MARCHF1: variants seen among roughly 807,000 people sequenced by gnomAD.
MARCHF1 encodes membrane associated ring-CH-type finger 1.
Under a neutral mutation model 54.2 loss-of-function variants are expected in MARCHF1, and 40 were observed. That is an observed-to-expected ratio of 0.74 (90% CI 0.57 to 0.96). The LOEUF (loss-of-function observed/expected upper bound fraction) is 0.96. Among genes scored for constraint, MARCHF1 ranks in the 40% least tolerant of loss-of-function variants. The pLI, the probability that MARCHF1 is intolerant of heterozygous loss-of-function variation, is 0.00. For synonymous variants in MARCHF1, 236 were observed against 236.3 expected, an observed-to-expected ratio of 1.00 and a Z score of 0.01; for missense variants, 586 against 656.5, an observed-to-expected ratio of 0.89 and a Z score of 1.17.
chr4:164,051,110 G>A (rs960157600), intron 2 of MARCHF1, among the ~76,000 whole-genome samples: 4 of 152,090 alleles, frequency 2.6e-5, no homozygotes, highest in African/African-American at 9.7e-5. Flanking sequence ...CCACGAATTG[G>A]AGGACAATTT....
At chr4:163,972,368 G>T (rs1752563758) in intron 3 of MARCHF1, among the ~76,000 whole-genome samples, 1 of 151,972 alleles carries the variant, frequency 6.6e-6, no homozygotes, top group Admixed American at 6.6e-5. Context: ...TTTAAAAATT[G>T]ATCAAAACAG....
chr4:163,606,570 A>G (rs1238624748), intron 7 of MARCHF1, among the ~76,000 whole-genome samples: 1 of 152,088 alleles, frequency 6.6e-6, no homozygotes, highest in Admixed American at 6.6e-5. Flanking sequence ...GATAAAAATG[A>G]AGTGCATATT....
At chr4:163,630,557 T>C (rs924886652) in intron 5 of MARCHF1, among the ~76,000 whole-genome samples, 1 of 152,234 alleles carries the variant, frequency 6.6e-6, no homozygotes, top group African/African-American at 2.4e-5. Context: ...AATGGTCTAT[T>C]GTCCTATCCA....
intron 1 of MARCHF1, among the ~76,000 whole-genome samples, chr4:164,170,865 A>G (rs2110974263): frequency 6.6e-6 from 1 of 152,332 alleles, no homozygotes; most frequent in South Asian, 2.1e-4. Flanking sequence ...GAAAGCCATT[A>G]CAATATCCTG....
intron 4 of MARCHF1, among the ~76,000 whole-genome samples, chr4:163,717,844 G>C (rs1053887631): frequency 6.6e-6 from 1 of 152,108 alleles, no homozygotes; most frequent in Non-Finnish European, 1.5e-5. Context: ...TGATGGGGTT[G>C]TCTGTTTTTT....
chr4:163,669,250 C>G (rs1170061475), intron 5 of MARCHF1, among the ~76,000 whole-genome samples: 2 of 152,074 alleles, frequency 1.3e-5, no homozygotes, highest in Non-Finnish European at 2.9e-5. Flanking sequence ...TATCATTTGA[C>G]CTTTTATTAG....
chr4:163,544,861 G>C (rs934760587), intron 9 of MARCHF1, among the ~76,000 whole-genome samples: 3 of 152,146 alleles, frequency 2.0e-5, no homozygotes, highest in African/African-American at 7.2e-5. Flanking sequence ...GCGGGAGTGT[G>C]GGGATGTTTC....
intron 2 of MARCHF1, among the ~76,000 whole-genome samples, chr4:164,072,125 G>A (rs1471005896): frequency 1.3e-5 from 2 of 152,106 alleles, no homozygotes; most frequent in Non-Finnish European, 2.9e-5. Flanking sequence ...CAAAAGTCAT[G>A]GCTCCTTCGC....
intron 4 of MARCHF1, among the ~76,000 whole-genome samples, chr4:163,831,190 G>GT (rs1284846832): frequency 2.6e-5 from 4 of 152,186 alleles, no homozygotes; most frequent in Non-Finnish European, 5.9e-5. Flanking sequence ...GACAAAGGGA[G>GT]TGGGGGCTAG....
At chr4:163,631,860 G>C (rs995742537) in intron 5 of MARCHF1, among the ~76,000 whole-genome samples, 1 of 152,096 alleles carries the variant, frequency 6.6e-6, no homozygotes, top group Non-Finnish European at 1.5e-5. Flanking sequence ...GGACACAACA[G>C]GATGAAAAGC....
chr4:163,860,424 C>A (rs1308886366), intron 3 of MARCHF1, among the ~76,000 whole-genome samples: 2 of 152,066 alleles, frequency 1.3e-5, no homozygotes, highest in African/African-American at 4.8e-5. Flanking sequence ...CCGTGAAATA[C>A]CCCCAAACAG....
At chr4:163,834,907 G>A (rs993098264) in intron 4 of MARCHF1, among the ~76,000 whole-genome samples, 2 of 150,138 alleles carry the variant, frequency 1.3e-5, no homozygotes, top group African/African-American at 4.8e-5. Flanking sequence ...TTAGAGATGG[G>A]GTCTTGTTCT....
intron 8 of MARCHF1, among the ~76,000 whole-genome samples, chr4:163,550,860 T>C (rs1289643844): frequency 2.0e-5 from 3 of 152,188 alleles, no homozygotes; most frequent in African/African-American, 7.2e-5. Context: ...ATCAGGAAAC[T>C]TGTTAGAAAC....
intron 1 of MARCHF1, among the ~76,000 whole-genome samples, chr4:164,352,673 A>G (rs1461219308): frequency 2.7e-5 from 4 of 150,616 alleles, no homozygotes; most frequent in Non-Finnish European, 5.9e-5. Context: ...AAATGTAAAG[A>G]CCATCGAGGC....
At chr4:163,662,390 T>C (rs1262611594) in intron 5 of MARCHF1, among the ~76,000 whole-genome samples, 1 of 152,050 alleles carries the variant, frequency 6.6e-6, no homozygotes, top group Non-Finnish European at 1.5e-5. Context: ...TTAAATTTTC[T>C]AACTCTTTCT....
chr4:163,646,216 T>G (rs558218620), intron 5 of MARCHF1, among the ~76,000 whole-genome samples: 163 of 148,820 alleles, frequency 1.1e-3, no homozygotes, highest in Non-Finnish European at 2.2e-3. Flanking sequence ...GGGAGTGAGA[T>G]GTTATATTCA....
At chr4:163,733,224 C>CATATATAT (rs59391980) in intron 4 of MARCHF1, among the ~76,000 whole-genome samples, 1 of 11,500 alleles carries the variant, frequency 8.7e-5, no homozygotes, top group African/African-American at 2.0e-4. Flanking sequence ...TATATATACA[C>CATATATAT]GTGTATATAT....
At position 163,650,511 on chromosome 4, in the gene MARCHF1, TG is replaced by T. The variant is rs368699171; in HGVS notation, c.163-37119del. ...TCTGTAAAATAAAGATAATACTGCC[TG>T]CATTATATGTGACGATGAAGCTTAT... On this transcript the variant is annotated intron_variant, in intron 5 of 9. Coordinates refer to ENST00000514618, the MANE Select transcript of MARCHF1 (RefSeq NM_001394959.1). 5.6e-3 allele frequency among the ~76,000 whole-genome samples: 845 copies of T among 152,016 alleles called. 9 individuals carry two copies. Among genetic ancestry groups the T allele is most frequent in the African/African-American group, 0.019 (777 of 41,530 alleles).
intron 3 of MARCHF1, among the ~76,000 whole-genome samples, chr4:163,876,130 T>C (rs1750281996): frequency 1.3e-5 from 2 of 152,298 alleles, no homozygotes; most frequent in South Asian, 4.1e-4. Flanking sequence ...AATTGATATT[T>C]GAATTCTGCA....
Sources: gnomAD v4.1 joint callset for allele counts (sites outside exome capture counted in the v4.1 genomes callset) on GRCh38, gnomAD v4.1.1 for gene constraint, MANE v1.5 for transcripts, NCBI Gene and HGNC (gene_info 2026-07-23, HGNC 2026-07-21) for gene names.